RYR3: variants seen among roughly 807,000 people sequenced by gnomAD.
RYR3 encodes the protein brain ryanodine receptor-calcium release channel.
RYR3 carries 207 observed loss-of-function variants against 584.3 expected under a neutral mutation model. The observed-to-expected ratio is 0.35, with a 90% CI of 0.32 to 0.40. The LOEUF is 0.40. Ranked by LOEUF, RYR3 falls within the 10% of genes least tolerant of loss-of-function variation. The pLI, the probability that RYR3 is intolerant of heterozygous loss-of-function variation, is 1.00. For synonymous variants in RYR3, 2,416 were observed against 2,248.5 expected, an observed-to-expected ratio of 1.07 and a Z score of -2.11; for missense variants, 5,616 against 6,089.2, an observed-to-expected ratio of 0.92 and a Z score of 2.59.
intron 27 of RYR3, among the ~76,000 whole-genome samples, chr15:33,642,750 C>T (rs1360173353): frequency 6.6e-6 from 1 of 152,182 alleles, no homozygotes; most frequent in East Asian, 1.9e-4. Context: ...TAGTAGTGCT[C>T]AGGATGTTAC....
In RYR3 at chr15:33,637,740, C is replaced by G. The variant is rs375742953; in HGVS notation, c.3556+1190C>G. Among the ~76,000 whole-genome samples the G allele has an allele frequency of 2.0e-5, 3 of 152,088 alleles. No homozygotes were observed. The South Asian group carries it at 6.2e-4, about 32-fold the overall frequency. On this transcript the variant is annotated intron_variant, in intron 27 of 103. Transcript: ENST00000634891. Reference sequence around the variant, plus strand: ...TTTAGCTTTATAAATGACTTTTGCACTTTTTTTTCAGACACCTATTGTTTA... The same window carrying G: ...TTTAGCTTTATAAATGACTTTTGCAGTTTTTTTTCAGACACCTATTGTTTA...
At chr15:33,482,493 C>A (rs1484716687) in intron 2 of RYR3, among the ~76,000 whole-genome samples, 2 of 152,176 alleles carry the variant, frequency 1.3e-5, no homozygotes, top group East Asian at 3.9e-4. Flanking sequence ...CATCTCCGCT[C>A]CCTGCAACCT....
intron 43 of RYR3, among the ~76,000 whole-genome samples, chr15:33,721,691 G>GA (rs1280694723): frequency 1.3e-5 from 2 of 151,836 alleles, no homozygotes; most frequent in African/African-American, 4.8e-5. Flanking sequence ...AACACAACAT[G>GA]AAAAAAAGTC....
At chr15:33,408,326 G>A (rs2043162928) in intron 1 of RYR3, among the ~76,000 whole-genome samples, 1 of 152,130 alleles carries the variant, frequency 6.6e-6, no homozygotes, top group Non-Finnish European at 1.5e-5. Context: ...TGTGGTAAAG[G>A]ACACGGTTTT....
At chr15:33,773,353 T>C (rs2073752495) in intron 63 of RYR3, among the ~76,000 whole-genome samples, 181 bp from the exon 64 acceptor site, 1 of 152,178 alleles carries the variant, frequency 6.6e-6, no homozygotes, top group African/African-American at 2.4e-5. Flanking sequence ...CTATATTTTT[T>C]TTTTCCTAGT....
intron 79 of RYR3, 21 bp from the exon 80 acceptor site, chr15:33,821,502 A>G: frequency 1.9e-6 from 3 of 1,613,494 alleles, no homozygotes; most frequent in Non-Finnish European, 2.5e-6. Flanking sequence ...TGGTGATTCA[A>G]TCGAATCTTC....
intron 38 of RYR3, among the ~76,000 whole-genome samples, chr15:33,676,652 T>C (rs1475404962): frequency 2.3e-5 from 2 of 88,026 alleles, no homozygotes; most frequent in African/African-American, 1.6e-4. Context: ...CAAGAAGATT[T>C]TTTCCACACA....
At chr15:33,707,183 C>A (rs1408971403) in intron 43 of RYR3, 129 bp downstream of exon 43, 3 of 1,062,850 alleles carry the variant, frequency 2.8e-6, no homozygotes, top group Non-Finnish European at 4.1e-6. Flanking sequence ...CAAGAGAAAT[C>A]TTAGGGAGAA....
At chr15:33,565,376 C>A (rs1249670249) in intron 11 of RYR3, among the ~76,000 whole-genome samples, 1 of 152,146 alleles carries the variant, frequency 6.6e-6, no homozygotes, top group Non-Finnish European at 1.5e-5. Context: ...GTAACAGTAT[C>A]CTTTGCTGAT....
chr15:33,836,842 C>A (rs1348830781), intron 87 of RYR3, 64 bp from the exon 88 acceptor site: 34 of 1,337,294 alleles, frequency 2.5e-5, no homozygotes, highest in Non-Finnish European at 3.5e-5. Flanking sequence ...GCTCTTCTCG[C>A]TCACTGCCCT....
At chr15:33,345,549 G>A (rs1467561022) in intron 1 of RYR3, among the ~76,000 whole-genome samples, 2 of 152,084 alleles carry the variant, frequency 1.3e-5, no homozygotes, top group African/African-American at 4.8e-5. Flanking sequence ...ATTCTGCACA[G>A]GAGTAACAGT....
At chr15:33,533,175 C>T (rs1309054142) in intron 4 of RYR3, 136 bp from the exon 5 acceptor site, 1 of 603,828 alleles carries the variant, frequency 1.7e-6, no homozygotes, top group Non-Finnish European at 3.0e-6. Context: ...TACCAATTAA[C>T]TTTCCAATGA....
At chr15:33,343,243 C>T (rs1972042552) in intron 1 of RYR3, among the ~76,000 whole-genome samples, 2 of 152,198 alleles carry the variant, frequency 1.3e-5, no homozygotes, top group Admixed American at 6.5e-5. Context: ...TCTTTAAAAG[C>T]TGAGTGTAGC....
intron 13 of RYR3, among the ~76,000 whole-genome samples, chr15:33,580,911 A>C (rs2058556672): frequency 6.6e-6 from 1 of 152,060 alleles, no homozygotes. Context: ...TCCATTTACC[A>C]TCTCCCTCCC....
At chr15:33,457,194 CATT>C (rs754292169) in intron 1 of RYR3, among the ~76,000 whole-genome samples, 44 of 152,208 alleles carry the variant, frequency 2.9e-4, no homozygotes, top group African/African-American at 4.3e-4. Flanking sequence ...AGCTTTGAAA[CATT>C]ATTTAGCCAT....
At chr15:33,457,969 C>T (rs1043988008) in intron 1 of RYR3, among the ~76,000 whole-genome samples, 5 of 152,278 alleles carry the variant, frequency 3.3e-5, no homozygotes, top group Non-Finnish European at 5.9e-5. Flanking sequence ...AGGATCAGCA[C>T]GTTTCCTATC....
chr15:33,797,839 A>G (rs2075710484), intron 67 of RYR3, among the ~76,000 whole-genome samples: 1 of 152,192 alleles, frequency 6.6e-6, no homozygotes, highest in African/African-American at 2.4e-5. Flanking sequence ...TAAGGAATGA[A>G]CAGCTGGTAG....
chr15:33,454,253 T>C (rs561661391), intron 1 of RYR3, among the ~76,000 whole-genome samples: 1 of 152,326 alleles, frequency 6.6e-6, no homozygotes, highest in African/African-American at 2.4e-5. Flanking sequence ...CAAACTAAAG[T>C]AACTGGCCAG....
At chr15:33,368,548 G>T (rs1975843147) in intron 1 of RYR3, among the ~76,000 whole-genome samples, 1 of 151,896 alleles carries the variant, frequency 6.6e-6, no homozygotes, top group South Asian at 2.1e-4. Flanking sequence ...TGAGATTTCT[G>T]GAAAGTGATG....
Sources: allele counts gnomAD v4.1 joint callset (sites outside exome capture counted in the v4.1 genomes callset), GRCh38; gene constraint gnomAD v4.1.1; transcripts MANE v1.5; gene names NCBI Gene and HGNC (gene_info 2026-07-23, HGNC 2026-07-21).